The following PTPRK variants were observed in gnomAD, a reference collection of about 807,000 sequenced individuals.
PTPRK encodes the protein protein tyrosine phosphatase receptor type K, also known as receptor-type tyrosine-protein phosphatase kappa.
In PTPRK, 75 loss-of-function variants were observed where a neutral mutation model predicts 178.0. The ratio of observed to expected loss-of-function variants is 0.42; its 90% CI spans 0.35 to 0.51. The LOEUF is 0.51. Ranked by LOEUF, PTPRK falls within the 20% of genes least tolerant of loss-of-function variation. The pLI, the probability that PTPRK is intolerant of heterozygous loss-of-function variation, is 0.02. For synonymous variants in PTPRK, 637 were observed against 620.6 expected (o/e 1.03, Z -0.39); for missense variants, 1,441 against 1,797.8 (o/e 0.80, Z 3.59).
At chr6:128,047,661 A>C (rs940459038) in intron 13 of PTPRK, among the ~76,000 whole-genome samples, 11 of 152,222 alleles carry the variant, frequency 7.2e-5, no homozygotes, top group Non-Finnish European at 1.5e-4. Context: ...ATTAGGTTAC[A>C]TGAACTTTAA....
intron 3 of PTPRK, among the ~76,000 whole-genome samples, chr6:128,275,941 A>G (rs1820653681): frequency 6.6e-6 from 1 of 151,988 alleles, no homozygotes; most frequent in African/African-American, 2.4e-5. Context: ...TCATAACCCA[A>G]CCATGCCTTT....
In PTPRK at chr6:128,217,914, G is replaced by C. The variant is rs556355525; in HGVS notation, c.868+1008C>G. On this transcript the variant is annotated intron_variant, in intron 6 of 29. Coordinates refer to ENST00000368226, the MANE Select transcript of PTPRK (RefSeq NM_002844.4). ...CCTCGAAGAGACTTAAACAGGTTAC[G>C]ATTATTTTCATTTGTGTCAATATTG... Among the ~76,000 whole-genome samples, 9 of 152,254 alleles carry C rather than the reference G, an allele frequency of 5.9e-5. No individual in the cohort carries two copies. In the South Asian group the frequency reaches 8.3e-4, roughly 14 times the overall value.
intron 2 of PTPRK, among the ~76,000 whole-genome samples, chr6:128,364,072 C>T (rs187744749): frequency 6.6e-6 from 1 of 152,044 alleles, no homozygotes; most frequent in East Asian, 1.9e-4. Context: ...TGAACCTGAA[C>T]TTTTGGGTGT....
chr6:128,468,111 C>T (rs569387556), intron 1 of PTPRK, among the ~76,000 whole-genome samples: 35 of 152,264 alleles, frequency 2.3e-4, no homozygotes, highest in African/African-American at 6.0e-4. Context: ...TCTCGCACAA[C>T]GCGTGGCAAT....
chr6:127,991,714 T>G (rs1776637474), intron 19 of PTPRK, among the ~76,000 whole-genome samples: 1 of 151,394 alleles, frequency 6.6e-6, no homozygotes, highest in Non-Finnish European at 1.5e-5. Context: ...AAAATAGAAC[T>G]CTTATACCAC....
intron 1 of PTPRK, among the ~76,000 whole-genome samples, chr6:128,419,485 G>T (rs547489855): frequency 6.6e-6 from 1 of 152,162 alleles, no homozygotes; most frequent in East Asian, 1.9e-4. Context: ...CATGGTGGCG[G>T]GCACCTGTAG....
chr6:128,029,379 C>G (rs1774888192), intron 13 of PTPRK, among the ~76,000 whole-genome samples: 1 of 152,106 alleles, frequency 6.6e-6, no homozygotes. Flanking sequence ...CAGTCTCTGA[C>G]TGCATGCAGT....
intron 13 of PTPRK, among the ~76,000 whole-genome samples, chr6:128,048,733 T>C (rs1377376253): frequency 6.6e-6 from 1 of 152,188 alleles, no homozygotes; most frequent in African/African-American, 2.4e-5. Context: ...AGATTAAGTA[T>C]ACAGAAGGAT....
intron 2 of PTPRK, among the ~76,000 whole-genome samples, chr6:128,351,983 G>A (rs946296605): frequency 3.3e-5 from 5 of 151,990 alleles, no homozygotes; most frequent in East Asian, 1.9e-4. Flanking sequence ...TAGGCCTGGC[G>A]TGGTGGCTCA....
chr6:128,218,633 C>T (rs1001843493), intron 6 of PTPRK, among the ~76,000 whole-genome samples: 2 of 152,122 alleles, frequency 1.3e-5, no homozygotes, highest in Non-Finnish European at 2.9e-5. Flanking sequence ...AAAATACAAA[C>T]GAGGTGATGA....
At chr6:128,267,725 T>C (rs1422006277) in intron 3 of PTPRK, among the ~76,000 whole-genome samples, 2 of 152,090 alleles carry the variant, frequency 1.3e-5, no homozygotes, top group Admixed American at 6.6e-5. Context: ...ACTTGAAATA[T>C]TGAGTACAAT....
At chr6:128,473,733 G>C (rs367793994) in intron 1 of PTPRK, among the ~76,000 whole-genome samples, 6 of 151,982 alleles carry the variant, frequency 3.9e-5, no homozygotes, top group African/African-American at 1.4e-4. Flanking sequence ...CAGAATGCCT[G>C]AACGAATGTT....
At chr6:128,461,587 T>C (rs1021505681) in intron 1 of PTPRK, among the ~76,000 whole-genome samples, 10 of 152,146 alleles carry the variant, frequency 6.6e-5, no homozygotes, top group Non-Finnish European at 1.5e-4. Flanking sequence ...ATAAGGTAAA[T>C]TTGTTTTAAC....
At chr6:128,156,558 CA>C (rs1201861293) in intron 7 of PTPRK, among the ~76,000 whole-genome samples, 6 of 151,872 alleles carry the variant, frequency 4.0e-5, no homozygotes, top group Non-Finnish European at 7.4e-5. Flanking sequence ...CTTACTATCA[CA>C]AGAACAGCAA....
chr6:128,052,548 G>C (rs1779191323), intron 13 of PTPRK, among the ~76,000 whole-genome samples: 1 of 152,152 alleles, frequency 6.6e-6, no homozygotes, highest in Admixed American at 6.5e-5. Context: ...TAAATGTTTA[G>C]ATTAAGGATA....
At chr6:128,135,445 C>G (rs1427985927) in intron 7 of PTPRK, among the ~76,000 whole-genome samples, 2 of 152,164 alleles carry the variant, frequency 1.3e-5, no homozygotes, top group Non-Finnish European at 2.9e-5. Context: ...GTCTAAGCAA[C>G]TTTATGCTGC....
Position 128,009,140 on chromosome 6 carries a change from C to T in PTPRK, c.2323G>A (p.Val775Ile), listed in dbSNP as rs1307225530. 2 of 1,608,052 alleles carry T rather than the reference C, an allele frequency of 1.2e-6. No homozygotes were observed. The highest frequency in any genetic ancestry group is 1.7e-5 in the Admixed American group (1 of 59,594). The change falls in exon 14 of 30, where the codon GTA becomes ATA. Residue 775 changes from valine to isoleucine, a missense_variant. By Grantham distance (29) the Val-to-Ile change is conservative (BLOSUM62 3). Transcript: ENST00000368226. ...AATATTAGGCCTTACCTCTTTTTTA[C>T]AATTAATATGACAACTAGGAGAAGG... ...ILLLLVVILI[V>I]KKSKLAKKRK... is the part of the protein sequence containing the mutation.
In PTPRK at chr6:128,119,516, A is replaced by G. The variant is rs534269592; in HGVS notation, c.1163-29524T>C. ...AATAGAAGTTTGAAAATATTTTCTC[A>G]AAGGATTTATTTCTAATAGTGCTGC... On this transcript the variant is annotated intron_variant, in intron 7 of 29. Transcript: ENST00000368226. 2.6e-5 allele frequency among the ~76,000 whole-genome samples: 4 copies of G among 152,206 alleles called. No homozygotes were observed. The South Asian group carries it at 8.3e-4, about 32-fold the overall frequency.
chr6:128,382,442 C>G (rs1200244812), intron 2 of PTPRK, among the ~76,000 whole-genome samples: 2 of 141,678 alleles, frequency 1.4e-5, no homozygotes, highest in African/African-American at 5.1e-5. Context: ...GAGTCTCACT[C>G]TGTCACCCAG....
Sources: gnomAD v4.1 joint callset for allele counts (sites outside exome capture counted in the v4.1 genomes callset) on GRCh38, gnomAD v4.1.1 for gene constraint, MANE v1.5 for transcripts, NCBI Gene and HGNC (gene_info 2026-07-23, HGNC 2026-07-21) for gene names.